Variants in PTPRT observed in about 807,000 individuals in gnomAD.
The protein encoded by PTPRT is receptor-type tyrosine-protein phosphatase T.
In PTPRT, 56 loss-of-function variants were observed where a neutral mutation model predicts 176.8. The ratio of observed to expected loss-of-function variants is 0.32; its 90% confidence interval spans 0.26 to 0.40. The LOEUF is 0.40. Among genes scored for constraint, PTPRT ranks in the 10% least tolerant of loss-of-function variants. PTPRT has a pLI of 1.00. For synonymous variants in PTPRT, 783 were observed against 739.0 expected, an observed-to-expected ratio of 1.06 and a Z score of -0.96; for missense variants, 1,540 against 1,908.2, an observed-to-expected ratio of 0.81 and a Z score of 3.60.
intron 7 of PTPRT, among the ~76,000 whole-genome samples, chr20:42,593,436 A>G (rs2073615049): frequency 6.6e-6 from 1 of 152,162 alleles, no homozygotes; most frequent in Admixed American, 6.5e-5. Flanking sequence ...CCTTCTTAAT[A>G]GATGTGTTAG....
chr20:42,835,054 G>C (rs549681576), intron 2 of PTPRT, among the ~76,000 whole-genome samples: 2 of 152,228 alleles, frequency 1.3e-5, no homozygotes, highest in East Asian at 3.9e-4. Context: ...CACAAAAAAA[G>C]AACTCATGGG....
chr20:43,044,010 G>A lies in PTPRT; in HGVS notation c.88+145636C>T, dbSNP rs1333685979. ...CTGGCCTAAGGGAGTCCCAGGGCTC[G>A]TTCAATGGACAGACACCCAGGAGAA... On this transcript the variant is annotated intron_variant, in intron 1 of 30. Transcript: ENST00000373187. 3.9e-5 allele frequency among the ~76,000 whole-genome samples: 6 copies of A among 152,014 alleles called. No homozygotes were observed. In the East Asian group the frequency reaches 5.8e-4, roughly 15 times the overall value.
chr20:42,566,075 C>T (rs1176630023), intron 7 of PTPRT, among the ~76,000 whole-genome samples: 2 of 151,906 alleles, frequency 1.3e-5, no homozygotes, highest in Non-Finnish European at 2.9e-5. Context: ...GGCTTTTTTA[C>T]ATTGTGCACA....
At chr20:42,650,663 G>C (rs2075013372) in intron 7 of PTPRT, among the ~76,000 whole-genome samples, 1 of 152,162 alleles carries the variant, frequency 6.6e-6, no homozygotes, top group Non-Finnish European at 1.5e-5. Context: ...TTGCATTTCT[G>C]TCTTGGCTCT....
At chr20:42,064,875 GTA>G in the PTPRT span, among the ~76,000 whole-genome samples, 1 of 152,230 alleles carries the variant, frequency 6.6e-6, no homozygotes, top group Non-Finnish European at 1.5e-5. Context: ...GTGATGAGAT[GTA>G]ACTTCAAAGG....
At chr20:43,111,135 C>A (rs1010849310) in intron 1 of PTPRT, among the ~76,000 whole-genome samples, 4 of 152,094 alleles carry the variant, frequency 2.6e-5, no homozygotes, top group African/African-American at 9.7e-5. Flanking sequence ...GCCCAAGGTG[C>A]AGGTTGGCAG....
intron 7 of PTPRT, among the ~76,000 whole-genome samples, chr20:42,614,836 A>G (rs2867489): frequency 0.21 from 32,417 of 151,956 alleles, 4,680 homozygotes; most frequent in African/African-American, 0.41. Context: ...AAGGCAAGGA[A>G]GAGCAAGTCA....
In PTPRT at chr20:42,119,598, G is replaced by T. The variant is rs79376680; in HGVS notation, c.2884+337C>A. On this transcript the variant is annotated intron_variant, in intron 20 of 30. Transcript: ENST00000373187. Reference sequence around the variant, plus strand: ...GCACCATCAGCTCCGGCCCTGGCAGGTGTTGATGGCACCTGCTTGGGCCTC... The same window carrying T: ...GCACCATCAGCTCCGGCCCTGGCAGTTGTTGATGGCACCTGCTTGGGCCTC... 9.0e-3 allele frequency among the ~76,000 whole-genome samples: 1,364 copies of T among 152,328 alleles called. 21 individuals are homozygous for T. The highest frequency in any genetic ancestry group is 0.03 in the African/African-American group (1,257 of 41,590).
At chr20:43,013,608 G>C (rs1485516055) in intron 1 of PTPRT, among the ~76,000 whole-genome samples, 2 of 152,124 alleles carry the variant, frequency 1.3e-5, no homozygotes, top group African/African-American at 4.8e-5. Context: ...GGACCCTCTA[G>C]GGATACACAG....
chr20:42,855,367 T>A (rs554221921), intron 2 of PTPRT, among the ~76,000 whole-genome samples: 3,222 of 149,564 alleles, frequency 0.022, 90 homozygotes, highest in African/African-American at 0.062. Context: ...TGCCCCAACC[T>A]CATGCTATAG....
intron 8 of PTPRT, among the ~76,000 whole-genome samples, chr20:42,469,226 C>G (rs774347680): frequency 4.6e-5 from 7 of 152,050 alleles, no homozygotes; most frequent in Non-Finnish European, 1.0e-4. Flanking sequence ...TTGTTTGAGA[C>G]AGAGTCTCGC....
downstream of PTPRT, among the ~76,000 whole-genome samples, chr20:42,069,278 G>C (rs1165913188): frequency 6.6e-6 from 1 of 152,198 alleles, no homozygotes; most frequent in Non-Finnish European, 1.5e-5. Flanking sequence ...GTCAGCGAAG[G>C]ATGTTGTTGA....
chr20:43,152,604 G>T (rs1220720722), intron 1 of PTPRT, among the ~76,000 whole-genome samples: 1 of 152,154 alleles, frequency 6.6e-6, no homozygotes, highest in Admixed American at 6.5e-5. Flanking sequence ...TTTATAAAGT[G>T]AATAAATTCA....
intron 1 of PTPRT, among the ~76,000 whole-genome samples, chr20:42,908,156 G>A (rs769830780): frequency 6.6e-6 from 1 of 152,016 alleles, no homozygotes; most frequent in Non-Finnish European, 1.5e-5. Flanking sequence ...GGCAGCAAGA[G>A]AACGGGGGAT....
At chr20:42,318,086 G>A (rs922793579) in intron 11 of PTPRT, among the ~76,000 whole-genome samples, 27 of 152,242 alleles carry the variant, frequency 1.8e-4, no homozygotes, top group Admixed American at 1.6e-3. Context: ...CTAAATAAGT[G>A]TGTGTAACAT....
chr20:42,783,379 A>C (rs1248538479), intron 3 of PTPRT, among the ~76,000 whole-genome samples: 2 of 152,202 alleles, frequency 1.3e-5, no homozygotes, highest in Non-Finnish European at 2.9e-5. Flanking sequence ...AATCAACAAA[A>C]AAAAAAACCC....
Position 42,084,781 on chromosome 20 carries a change from G to A in PTPRT, c.4037C>T (p.Thr1346Met), listed in dbSNP as rs199947379. 7.1e-4 allele frequency: 1,106 copies of A among 1,554,732 alleles called. No individual in the cohort carries two copies. Among genetic ancestry groups the A allele is most frequent in the Non-Finnish European group, 9.1e-4 (1,041 of 1,145,972 alleles). The change falls in exon 29 of 31, where the codon ACG becomes ATG. Residue 1346 changes from threonine to methionine, a missense_variant. Thr to Met is a moderately conservative substitution (Grantham distance 81). Coordinates refer to ENST00000373187, the MANE Select transcript of PTPRT (RefSeq NM_007050.6). Reference sequence around the variant, plus strand: ...GAGCAGAGAGCGCTTGGAGGGGGGCGTGTCCCGGTAGGCAGGCCAGCCAAT... The same window carrying A: ...GAGCAGAGAGCGCTTGGAGGGGGGCATGTCCCGGTAGGCAGGCCAGCCAAT... ...QYIGWPAYRD[T>M]PPSKRSLLKV...
At chr20:43,047,371 G>A (rs1283249814) in intron 1 of PTPRT, among the ~76,000 whole-genome samples, 9 of 152,176 alleles carry the variant, frequency 5.9e-5, no homozygotes, top group African/African-American at 2.2e-4. Flanking sequence ...CACTCAACCA[G>A]CAGGGAGGTG....
intron 1 of PTPRT, among the ~76,000 whole-genome samples, chr20:42,983,676 C>G (rs1241226325): frequency 6.6e-6 from 1 of 152,210 alleles, no homozygotes; most frequent in African/African-American, 2.4e-5. Flanking sequence ...AGAGGCCCTG[C>G]CCACAACCCA....
Sources: allele counts gnomAD v4.1 joint callset (sites outside exome capture counted in the v4.1 genomes callset), GRCh38; gene constraint gnomAD v4.1.1; transcripts MANE v1.5; gene names NCBI Gene and HGNC (gene_info 2026-07-23, HGNC 2026-07-21).